UTRN: variants seen among roughly 807,000 people sequenced by gnomAD.
UTRN encodes dystrophin-related protein 1.
A neutral mutation model predicts 463.9 loss-of-function variants in UTRN; 283 were observed. The observed-to-expected ratio is 0.61, with a 90% CI of 0.55 to 0.67. The LOEUF is 0.67. Among genes scored for constraint, UTRN ranks in the 30% least tolerant of loss-of-function variants. The probability of loss-of-function intolerance (pLI) is 0.00; values close to 1 mark genes in which losing one functional copy is unlikely to be tolerated. For synonymous variants in UTRN, 1,442 were observed against 1,431.5 expected, an observed-to-expected ratio of 1.01 and a Z score of -0.17; for missense variants, 3,922 against 4,084.3, an observed-to-expected ratio of 0.96 and a Z score of 1.08.
At chr6:144,830,421 T>A (rs928111062) in intron 69 of UTRN, among the ~76,000 whole-genome samples, 1 of 152,204 alleles carries the variant, frequency 6.6e-6, no homozygotes, top group Non-Finnish European at 1.5e-5. Flanking sequence ...ATTTTCAGGA[T>A]GTTTGTAAGC....
intron 66 of UTRN, among the ~76,000 whole-genome samples, chr6:144,823,897 AT>A (rs1055021737): frequency 1.3e-5 from 2 of 152,176 alleles, no homozygotes; most frequent in Non-Finnish European, 2.9e-5. Context: ...GAGTTTAAAG[AT>A]TTTTTTAAGA....
intron 51 of UTRN, among the ~76,000 whole-genome samples, chr6:144,634,996 G>A (rs1348798778): frequency 6.6e-6 from 1 of 152,054 alleles, no homozygotes; most frequent in East Asian, 1.9e-4. Context: ...GCAAGTTTTT[G>A]TGTGGTTTTA....
chr6:144,452,990 A>C (rs1788483501), intron 18 of UTRN, among the ~76,000 whole-genome samples: 1 of 152,070 alleles, frequency 6.6e-6, no homozygotes, highest in Non-Finnish European at 1.5e-5. Flanking sequence ...TTGGGTTCTA[A>C]AGCATATTTA....
intron 1 of UTRN, among the ~76,000 whole-genome samples, chr6:144,289,795 C>G (rs1054128909): frequency 2.0e-5 from 3 of 152,056 alleles, no homozygotes; most frequent in African/African-American, 7.3e-5. Context: ...ATTACAGGCA[C>G]CTGCCACCAC....
chr6:144,504,229 T>C (rs1037920193), intron 34 of UTRN, among the ~76,000 whole-genome samples: 1 of 152,176 alleles, frequency 6.6e-6, no homozygotes, highest in Non-Finnish European at 1.5e-5. Context: ...ATACGCTTTA[T>C]TTCTTTCTCT....
chr6:144,311,362 A>G lies in UTRN; in HGVS notation c.79+19455A>G, dbSNP rs564874966. Reference sequence around the variant, plus strand: ...TGGGGGGTGGGACTGGCAGGTGAGTAGCTCAACCCAGGCTTCTGAGGGTCC... The same window carrying G: ...TGGGGGGTGGGACTGGCAGGTGAGTGGCTCAACCCAGGCTTCTGAGGGTCC... On this transcript the variant is annotated intron_variant, in intron 2 of 74. Transcript: ENST00000367545. Among the ~76,000 whole-genome samples the G allele has an allele frequency of 8.7e-4, 133 of 152,336 alleles. 1 individual carries two copies. Among genetic ancestry groups the G allele is most frequent in the African/African-American group, 3.1e-3 (129 of 41,576 alleles).
intron 33 of UTRN, among the ~76,000 whole-genome samples, chr6:144,495,738 T>G (rs1261384998): frequency 6.6e-6 from 1 of 152,208 alleles, no homozygotes; most frequent in South Asian, 2.1e-4. Flanking sequence ...AGGGAAAAAA[T>G]AAATGTTAAT....
At chr6:144,843,993 A>G (rs1215345344) in intron 73 of UTRN, among the ~76,000 whole-genome samples, 3 of 152,180 alleles carry the variant, frequency 2.0e-5, no homozygotes, top group Non-Finnish European at 2.9e-5. Flanking sequence ...AAGCACATCC[A>G]TGTATGAAAT....
intron 74 of UTRN, among the ~76,000 whole-genome samples, chr6:144,848,072 G>T (rs1187702639): frequency 6.6e-6 from 1 of 152,160 alleles, no homozygotes; most frequent in African/African-American, 2.4e-5. Flanking sequence ...GGTGTGGTGA[G>T]CTGTGGGTGT....
intron 58 of UTRN, among the ~76,000 whole-genome samples, chr6:144,768,851 C>G (rs1033466594): frequency 6.6e-6 from 1 of 152,074 alleles, no homozygotes; most frequent in Non-Finnish European, 1.5e-5. Context: ...ACAGGCAAAA[C>G]TGGATGGCTG....
At chr6:144,332,138 C>T (rs917860653) in intron 2 of UTRN, among the ~76,000 whole-genome samples, 1 of 152,208 alleles carries the variant, frequency 6.6e-6, no homozygotes, top group African/African-American at 2.4e-5. Flanking sequence ...GAAGCCTGTC[C>T]TGACACCCAC....
At chr6:144,586,133 AGTGT>A (rs1278349121) in intron 51 of UTRN, among the ~76,000 whole-genome samples, 1 of 152,030 alleles carries the variant, frequency 6.6e-6, no homozygotes, top group Non-Finnish European at 1.5e-5. Flanking sequence ...GTCAGAAGAT[AGTGT>A]GTGTGTTACA....
At chr6:144,653,171 A>G (rs2128668065) in intron 51 of UTRN, among the ~76,000 whole-genome samples, 1 of 152,254 alleles carries the variant, frequency 6.6e-6, no homozygotes, top group African/African-American at 2.4e-5. Flanking sequence ...TTACAGAAAT[A>G]TTATCTGTAT....
intron 21 of UTRN, among the ~76,000 whole-genome samples, chr6:144,459,587 A>T (rs1789203625): frequency 6.6e-6 from 1 of 151,912 alleles, no homozygotes; most frequent in African/African-American, 2.4e-5. Context: ...TGTCAGTAGG[A>T]TATAATAATA....
At chr6:144,824,311 G>A (rs1271666265) in intron 66 of UTRN, among the ~76,000 whole-genome samples, 1 of 151,382 alleles carries the variant, frequency 6.6e-6, no homozygotes, top group East Asian at 1.9e-4. Flanking sequence ...ATTGAAGAAG[G>A]CAGAAGACAA....
At chr6:144,555,285 T>A (rs1018479409) in intron 49 of UTRN, among the ~76,000 whole-genome samples, 1 of 152,174 alleles carries the variant, frequency 6.6e-6, no homozygotes, top group Non-Finnish European at 1.5e-5. Flanking sequence ...GAGATTTAAT[T>A]GACTCACAGT....
At chr6:144,313,235 A>T (rs1028970971) in intron 2 of UTRN, among the ~76,000 whole-genome samples, 1 of 152,072 alleles carries the variant, frequency 6.6e-6, no homozygotes, top group Non-Finnish European at 1.5e-5. Context: ...ATTTCTTTTC[A>T]CATCCCACTG....
At chr6:144,381,037 T>C (rs1780864259) in intron 2 of UTRN, among the ~76,000 whole-genome samples, 1 of 152,068 alleles carries the variant, frequency 6.6e-6, no homozygotes, top group Non-Finnish European at 1.5e-5. Context: ...TTATTTTAAG[T>C]TAAGGGGTAC....
At chr6:144,520,052 G>T (rs1035725005) in intron 39 of UTRN, among the ~76,000 whole-genome samples, 2 of 152,216 alleles carry the variant, frequency 1.3e-5, no homozygotes, top group African/African-American at 4.8e-5. Context: ...TAAAGTAGTT[G>T]GATGTCTGGA....
Sources: allele counts gnomAD v4.1 joint callset (sites outside exome capture counted in the v4.1 genomes callset), GRCh38; gene constraint gnomAD v4.1.1; transcripts MANE v1.5; gene names NCBI Gene and HGNC (gene_info 2026-07-23, HGNC 2026-07-21).